Variants in SERPINA12 observed in about 807,000 individuals in gnomAD.
SERPINA12 encodes the protein serpin A12.
In SERPINA12, 21 loss-of-function variants were observed where a neutral mutation model predicts 25.9. The ratio of observed to expected loss-of-function variants is 0.81; its 90% CI spans 0.58 to 1.17. The LOEUF (loss-of-function observed/expected upper bound fraction) is 1.17. Among genes scored for constraint, SERPINA12 ranks in the 50% most tolerant of loss-of-function variants. The pLI is 0.00. For missense variants in SERPINA12, 562 were observed against 508.3 expected (o/e 1.11, Z -1.02); for synonymous variants, 220 against 196.0 (o/e 1.12, Z -1.02).
rs1302197462 is a variant in SERPINA12 at position 94,506,923 on chromosome 14, C to T, written c.-34+2419G>A. On this transcript the variant is annotated intron_variant, in intron 1 of 4. Coordinates refer to ENST00000677451, the MANE Select transcript of SERPINA12 (RefSeq NM_001382267.1). ...CCAGGTATCAAGATGGCTGTAAAGC[C>T]ACAGTATTAAGGTATTGGAACAGAG... 3.3e-5 allele frequency among the ~76,000 whole-genome samples: 5 copies of T among 152,292 alleles called. No homozygotes were observed. The South Asian group carries it at 6.2e-4, about 19-fold the overall frequency.
chr14:94,504,119 T>C (rs1900846955), intron 1 of SERPINA12: 1 of 152,212 alleles, frequency 6.6e-6, no homozygotes, highest in Non-Finnish European at 1.5e-5. Flanking sequence ...GAAGGGAAGG[T>C]CTCATACTCA....
upstream of SERPINA12, among the ~76,000 whole-genome samples, chr14:94,513,186 C>CAGATA (rs1901152384): frequency 6.6e-6 from 1 of 152,204 alleles, no homozygotes; most frequent in African/African-American, 2.4e-5. Flanking sequence ...GGCTGGTAAG[C>CAGATA]AGGTCACCCT....
chr14:94,514,685 G>A (rs1193789393), intron 2 of SERPINA12, among the ~76,000 whole-genome samples: 1 of 152,210 alleles, frequency 6.6e-6, no homozygotes, highest in Non-Finnish European at 1.5e-5. Flanking sequence ...CTTGGTCTGG[G>A]CCATGTCCCA....
At chr14:94,494,289 G>A (rs867222915) in intron 3 of SERPINA12, among the ~76,000 whole-genome samples, 1 of 152,202 alleles carries the variant, frequency 6.6e-6, no homozygotes, top group African/African-American at 2.4e-5. Flanking sequence ...GCTGAAACAC[G>A]TCAGTCCCTT....
At position 94,497,981 on chromosome 14, in the gene SERPINA12, G is replaced by A. The variant is rs755534376; in HGVS notation, c.417C>T (p.Phe139=). ...DLKLSIGNTL[F]IDQRLQPQRK... is the part of the protein sequence containing the mutation. The stretch of plus-strand genomic sequence containing the variant: ...GCTGTGGCTGCAGCCTCTGGTCAAT[G>A]AACAGCGTGTTCCCAATGCTCAGTT... Residue 139 remains phenylalanine (F), a synonymous_variant, in exon 2 of 5, where the codon TTC becomes TTT. Coordinates refer to ENST00000677451, the MANE Select transcript of SERPINA12 (RefSeq NM_001382267.1). 6.2e-7 allele frequency: 1 copy of A among 1,614,152 alleles called. No homozygotes were observed. The highest frequency in any genetic ancestry group is 1.7e-5 in the Admixed American group (1 of 60,018).
At chr14:94,492,116 G>T (rs1900201831) in intron 3 of SERPINA12, among the ~76,000 whole-genome samples, 1 of 152,136 alleles carries the variant, frequency 6.6e-6, no homozygotes, top group African/African-American at 2.4e-5. Flanking sequence ...GCCTTAAGGA[G>T]GTGGGGACAG....
chr14:94,493,995 T>A (rs1245574420), intron 3 of SERPINA12, among the ~76,000 whole-genome samples: 1 of 152,148 alleles, frequency 6.6e-6, no homozygotes, highest in Non-Finnish European at 1.5e-5. Context: ...TGTAGCCCCA[T>A]GGAGAAATTG....
intron 3 of SERPINA12, among the ~76,000 whole-genome samples, chr14:94,490,466 A>C (rs970573326): frequency 1.3e-5 from 2 of 151,578 alleles, no homozygotes; most frequent in Admixed American, 1.3e-4. Flanking sequence ...CTGGCCTTGC[A>C]CCCTATTTTC....
intron 1 of SERPINA12, among the ~76,000 whole-genome samples, chr14:94,499,976 A>G (rs1464716866): frequency 6.6e-6 from 1 of 152,212 alleles, no homozygotes; most frequent in Non-Finnish European, 1.5e-5. Flanking sequence ...GGCAACCCTC[A>G]CAGCAGCACC....
intron 1 of SERPINA12, chr14:94,500,997 A>G (rs11850339): frequency 0.021 from 20,564 of 984,450 alleles, 472 homozygotes; most frequent in African/African-American, 0.092. Context: ...GGTGCTCTCT[A>G]AGCACCTTCT....
intron 1 of SERPINA12, among the ~76,000 whole-genome samples, chr14:94,507,203 G>A (rs1900959269): frequency 1.3e-5 from 2 of 152,136 alleles, no homozygotes; most frequent in African/African-American, 4.8e-5. Flanking sequence ...TATTAGATTG[G>A]ACTATATGAA....
chr14:94,514,389 G>A (rs570704776), upstream of SERPINA12, among the ~76,000 whole-genome samples: 531 of 152,312 alleles, frequency 3.5e-3, 3 homozygotes, highest in African/African-American at 0.012. Context: ...CTGCAGGCAC[G>A]TGACAGAGCT....
At chr14:94,488,311 G>A (rs925375440) in intron 4 of SERPINA12, among the ~76,000 whole-genome samples, 12 of 151,936 alleles carry the variant, frequency 7.9e-5, no homozygotes, top group Non-Finnish European at 1.8e-4. Context: ...TTGGCAAGCT[G>A]GATCCTTCCC....
At chr14:94,511,887 C>G (rs1408700732), upstream of SERPINA12, 1 of 198,304 alleles carries the variant, frequency 5.0e-6, no homozygotes, top group East Asian at 1.9e-4. Context: ...TGCTTGAGGT[C>G]AGGAGTTTGA....
upstream of SERPINA12, among the ~76,000 whole-genome samples, chr14:94,512,260 T>C (rs566743474): frequency 7.2e-5 from 11 of 152,258 alleles, no homozygotes; most frequent in Admixed American, 2.6e-4. Flanking sequence ...CATTGTGACA[T>C]TGAGGCGGAG....
At chr14:94,490,256 G>A (rs766785233) in intron 3 of SERPINA12, among the ~76,000 whole-genome samples, 3 of 152,106 alleles carry the variant, frequency 2.0e-5, no homozygotes, top group South Asian at 2.1e-4. Context: ...GATCACCGTC[G>A]CTCCTGCGGG....
At chr14:94,496,216 ATTCCTATGATTTG>A (rs1350648769) in intron 3 of SERPINA12, among the ~76,000 whole-genome samples, 144 bp downstream of exon 3, 6 of 152,166 alleles carry the variant, frequency 3.9e-5, no homozygotes, top group Admixed American at 1.3e-4. Context: ...ACTTCACTCT[ATTCCTATGATTTG>A]TTCCCCAGTC....
At chr14:94,507,111 A>G (rs1900956276) in intron 1 of SERPINA12, among the ~76,000 whole-genome samples, 1 of 152,378 alleles carries the variant, frequency 6.6e-6, no homozygotes, top group African/African-American at 2.4e-5. Flanking sequence ...GTGGATGTCC[A>G]TACAGGAAAA....
intron 3 of SERPINA12, among the ~76,000 whole-genome samples, chr14:94,491,059 C>G (rs191764222): frequency 6.6e-6 from 1 of 152,188 alleles, no homozygotes; most frequent in Non-Finnish European, 1.5e-5. Context: ...CCCAAATTTA[C>G]CTTTCCACTC....
Sources: allele counts gnomAD v4.1 joint callset (sites outside exome capture counted in the v4.1 genomes callset), GRCh38; gene constraint gnomAD v4.1.1; transcripts MANE v1.5; gene names NCBI Gene and HGNC (gene_info 2026-07-23, HGNC 2026-07-21).